Variants in SDC2 observed in about 807,000 individuals in gnomAD.
The protein encoded by SDC2 is syndecan-2.
Under a neutral mutation model 22.2 loss-of-function variants are expected in SDC2, and 13 were observed. The observed-to-expected ratio is 0.59, with a 90% CI of 0.38 to 0.93. The LOEUF is 0.93. Among genes scored for constraint, SDC2 ranks in the 40% least tolerant of loss-of-function variants. The pLI, the probability that SDC2 is intolerant of heterozygous loss-of-function variation, is 0.00. For missense variants in SDC2, 235 were observed against 246.8 expected (o/e 0.95, Z 0.32); for synonymous variants, 94 against 92.8 (o/e 1.01, Z -0.07).
At chr8:96,500,097 G>A (rs1813138805) in intron 1 of SDC2, among the ~76,000 whole-genome samples, 1 of 152,144 alleles carries the variant, frequency 6.6e-6, no homozygotes. Flanking sequence ...CAGTTTTGAT[G>A]CCTCTGCACT....
At chr8:96,576,076 G>A (rs373892169) in intron 1 of SDC2, among the ~76,000 whole-genome samples, 6 of 151,982 alleles carry the variant, frequency 3.9e-5, no homozygotes, top group Non-Finnish European at 5.9e-5. Flanking sequence ...CACCCTCCCC[G>A]ATCCCCACAC....
At chr8:96,572,642 C>T (rs866410357) in intron 1 of SDC2, among the ~76,000 whole-genome samples, 8 of 152,236 alleles carry the variant, frequency 5.3e-5, no homozygotes, top group Middle Eastern at 3.4e-3. Flanking sequence ...GATATCTGAA[C>T]CACAAACCAG....
At chr8:96,558,451 A>G (rs1329905500) in intron 1 of SDC2, among the ~76,000 whole-genome samples, 11 of 152,214 alleles carry the variant, frequency 7.2e-5, no homozygotes, top group Non-Finnish European at 1.2e-4. Context: ...TAAACATACA[A>G]CACAGAATTT....
chr8:96,560,527 ATGTT>A (rs1814191679), intron 1 of SDC2, among the ~76,000 whole-genome samples: 1 of 152,192 alleles, frequency 6.6e-6, no homozygotes, highest in Admixed American at 6.5e-5. Context: ...CACATAATAA[ATGTT>A]TGGATAGGAA....
chr8:96,597,650 A>G (rs1036423917), intron 2 of SDC2, among the ~76,000 whole-genome samples: 3 of 152,274 alleles, frequency 2.0e-5, no homozygotes, highest in African/African-American at 7.2e-5. Context: ...CAATGGCACA[A>G]AAACAGGATA....
intron 1 of SDC2, among the ~76,000 whole-genome samples, chr8:96,531,096 C>T (rs1052398264): frequency 2.0e-5 from 3 of 152,196 alleles, no homozygotes; most frequent in African/African-American, 4.8e-5. Flanking sequence ...TGGGGCATTC[C>T]AGTTGGGAAC....
Position 96,519,753 on chromosome 8 carries a change from A to G in SDC2, c.60+25422A>G, listed in dbSNP as rs1337154809. 5.3e-5 allele frequency among the ~76,000 whole-genome samples: 8 copies of G among 152,002 alleles called. No homozygotes were observed. In the East Asian group the frequency reaches 1.4e-3, roughly 26 times the overall value. On this transcript the variant is annotated intron_variant, in intron 1 of 4. Transcript: ENST00000302190. ...CGGGTTCAAGCGATTCTTGTGCCTCAACCTCCTGTAGCTGGGATTACAGGC... is the reference window on the plus strand; with the variant it reads ...CGGGTTCAAGCGATTCTTGTGCCTCGACCTCCTGTAGCTGGGATTACAGGC...
intron 1 of SDC2, among the ~76,000 whole-genome samples, chr8:96,510,319 C>T (rs1481126091): frequency 5.9e-5 from 9 of 152,142 alleles, no homozygotes; most frequent in Admixed American, 1.3e-4. Flanking sequence ...GCTTCAATTC[C>T]ATGGAGCTGT....
intron 1 of SDC2, among the ~76,000 whole-genome samples, chr8:96,551,133 G>A (rs1269368747): frequency 2.6e-5 from 4 of 152,286 alleles, no homozygotes; most frequent in African/African-American, 4.8e-5. Context: ...CATCATTACC[G>A]TGGGGAGGAT....
chr8:96,591,590 C>T (rs1814782321), intron 1 of SDC2, among the ~76,000 whole-genome samples: 1 of 152,040 alleles, frequency 6.6e-6, no homozygotes, highest in Admixed American at 6.6e-5. Flanking sequence ...TGAAAAGTAA[C>T]AGTGAGGGTT....
Position 96,494,190 on chromosome 8 carries a change from G to C in SDC2, c.-82G>C. Reference sequence around the variant, plus strand: ...TACTCTGCTCCGGATTCGTGTGCGCGGGCTGCGCCGAGCGCTGGGCAGGAG... The same window carrying C: ...TACTCTGCTCCGGATTCGTGTGCGCCGGCTGCGCCGAGCGCTGGGCAGGAG... On this transcript the variant is annotated 5_prime_UTR_variant, in exon 1 of 5. Coordinates refer to ENST00000302190, the MANE Select transcript of SDC2 (RefSeq NM_002998.4). 1 of 1,391,714 alleles carries C rather than the reference G, an allele frequency of 7.2e-7. No homozygotes were observed. Among genetic ancestry groups the C allele is most frequent in the African/African-American group, 1.4e-5 (1 of 69,528 alleles). 86.2% of individuals were successfully genotyped at this position (1,391,714 alleles called of 1,614,324 possible). A position where few individuals can be genotyped will look rare whatever the true frequency, so the allele number is the denominator to read the frequency against.
intron 3 of SDC2, among the ~76,000 whole-genome samples, chr8:96,607,084 A>G (rs1442038755): frequency 1.3e-5 from 2 of 152,134 alleles, no homozygotes; most frequent in Non-Finnish European, 2.9e-5. Context: ...GCTCCTTATG[A>G]GAGTCTGAGG....
At chr8:96,526,049 C>T (rs969061351) in intron 1 of SDC2, among the ~76,000 whole-genome samples, 4 of 152,074 alleles carry the variant, frequency 2.6e-5, no homozygotes, top group Non-Finnish European at 5.9e-5. Flanking sequence ...CAAGTTTAAC[C>T]GTCAAATGGT....
intron 1 of SDC2, among the ~76,000 whole-genome samples, chr8:96,568,783 A>G (rs2130577714): frequency 6.6e-6 from 1 of 152,318 alleles, no homozygotes; most frequent in East Asian, 1.9e-4. Context: ...GGAAAAGTGA[A>G]TTCATTCAAT....
rs575689620 is a variant in SDC2 at position 96,571,790 on chromosome 8, A to G, written c.61-21690A>G. Among the ~76,000 whole-genome samples the G allele has an allele frequency of 2.9e-4, 44 of 152,202 alleles. No homozygotes were observed. In the South Asian group the frequency reaches 9.1e-3, roughly 32 times the overall value. ...AAATCCTGAAGACAGTACCTTGAAC[A>G]TTTTCTATTTCATAAACTTTGTCTT... is the stretch of plus-strand genomic sequence containing the variant. On this transcript the variant is annotated intron_variant, in intron 1 of 4. Transcript: ENST00000302190.
At chr8:96,553,909 A>G (rs1485627763) in intron 1 of SDC2, among the ~76,000 whole-genome samples, 1 of 151,914 alleles carries the variant, frequency 6.6e-6, no homozygotes, top group Admixed American at 6.6e-5. Flanking sequence ...AGTAACTGGG[A>G]CTTTAGGCAT....
At chr8:96,508,262 C>T (rs1472362031) in intron 1 of SDC2, among the ~76,000 whole-genome samples, 1 of 150,904 alleles carries the variant, frequency 6.6e-6, no homozygotes, top group Non-Finnish European at 1.5e-5. Flanking sequence ...CGCCACTGCA[C>T]TCCAGCCTGG....
intron 4 of SDC2, among the ~76,000 whole-genome samples, chr8:96,609,058 C>T (rs72680179): frequency 0.016 from 2,501 of 151,804 alleles, 30 homozygotes; most frequent in Non-Finnish European, 0.027. Context: ...TGAAAAAAAG[C>T]AGTTAGAAAA....
chr8:96,578,017 T>A (rs1814532449), intron 1 of SDC2, among the ~76,000 whole-genome samples: 1 of 152,262 alleles, frequency 6.6e-6, no homozygotes, highest in African/African-American at 2.4e-5. Flanking sequence ...ATAGGACATT[T>A]CAGCACATAG....
Sources: allele counts gnomAD v4.1 joint callset (sites outside exome capture counted in the v4.1 genomes callset), GRCh38; gene constraint gnomAD v4.1.1; transcripts MANE v1.5; gene names NCBI Gene and HGNC (gene_info 2026-07-23, HGNC 2026-07-21).